LIN7A: variants seen among roughly 807,000 people sequenced by gnomAD.
LIN7A encodes protein lin-7 homolog A.
LIN7A carries 25 observed loss-of-function variants against 29.8 expected under a neutral mutation model. The observed-to-expected ratio is 0.84, with a 90% CI of 0.61 to 1.17. The LOEUF (loss-of-function observed/expected upper bound fraction) is 1.17. Ranked by LOEUF, LIN7A falls within the 50% of genes most tolerant of loss-of-function variation. The pLI, the probability that LIN7A is intolerant of heterozygous loss-of-function variation, is 0.00. For synonymous variants in LIN7A, 118 were observed against 107.5 expected (o/e 1.10, Z -0.60); for missense variants, 239 against 287.0 (o/e 0.83, Z 1.21).
At chr12:80,888,426 T>A (rs1187846363) in intron 2 of LIN7A, among the ~76,000 whole-genome samples, 2 of 152,116 alleles carry the variant, frequency 1.3e-5, no homozygotes, top group African/African-American at 4.8e-5. Flanking sequence ...AAGCATTCAT[T>A]GGAGGTGCCT....
chr12:80,814,354 G>A (rs1418883608), intron 4 of LIN7A, among the ~76,000 whole-genome samples: 2 of 152,110 alleles, frequency 1.3e-5, no homozygotes, highest in African/African-American at 4.8e-5. Context: ...AAAACTTGGT[G>A]ATTTGGTTGT....
At chr12:80,905,155 A>G (rs1876408681) in intron 1 of LIN7A, among the ~76,000 whole-genome samples, 1 of 150,854 alleles carries the variant, frequency 6.6e-6, no homozygotes, top group South Asian at 2.1e-4. Flanking sequence ...TCTTCTTTAA[A>G]GTAAGTGTTG....
chr12:80,929,825 T>G (rs922521902), intron 1 of LIN7A, among the ~76,000 whole-genome samples: 3 of 152,194 alleles, frequency 2.0e-5, no homozygotes, highest in African/African-American at 7.2e-5. Flanking sequence ...TTTGTCATCT[T>G]TTTGGAAGCC....
At chr12:80,936,537 T>C (rs764250529) in intron 1 of LIN7A, 1 of 152,218 alleles carries the variant, frequency 6.6e-6, no homozygotes, top group Non-Finnish European at 1.5e-5. Flanking sequence ...CATTTCCAAA[T>C]GGCCGCCCAG....
intron 2 of LIN7A, among the ~76,000 whole-genome samples, chr12:80,855,881 T>C (rs556308661): frequency 6.6e-6 from 1 of 152,272 alleles, no homozygotes; most frequent in Non-Finnish European, 1.5e-5. Context: ...TTTAAAAATA[T>C]CTATTTATTG....
chr12:80,872,924 C>T (rs1193429853), intron 2 of LIN7A, among the ~76,000 whole-genome samples: 1 of 152,142 alleles, frequency 6.6e-6, no homozygotes, highest in African/African-American at 2.4e-5. Context: ...AACAGAATAT[C>T]GTTTTGATCA....
At chr12:80,922,001 CTTAT>C (rs1405323542) in intron 1 of LIN7A, among the ~76,000 whole-genome samples, 1 of 152,172 alleles carries the variant, frequency 6.6e-6, no homozygotes, top group Non-Finnish European at 1.5e-5. Context: ...ATTCTACTGC[CTTAT>C]TTGTTTTATC....
chr12:80,909,659 A>C (rs1876655410), intron 1 of LIN7A, among the ~76,000 whole-genome samples: 1 of 151,942 alleles, frequency 6.6e-6, no homozygotes, highest in Non-Finnish European at 1.5e-5. Flanking sequence ...TGAGGGCCCC[A>C]CCCTCATAAC....
Position 80,889,354 on chromosome 12 carries a change from A to G in LIN7A, c.98T>C (p.Ile33Thr). 1 of 1,603,356 alleles carries G rather than the reference A, an allele frequency of 6.2e-7. No individual in the cohort carries two copies. Among genetic ancestry groups the G allele is most frequent in the Non-Finnish European group, 8.5e-7 (1 of 1,170,798 alleles). The change falls in exon 2 of 6, where the codon ATT (isoleucine) becomes ACT (threonine). Residue 33 changes from isoleucine (I) to threonine (T), a missense_variant. Coordinates refer to ENST00000552864, the MANE Select transcript of LIN7A (RefSeq NM_004664.4). Reference protein sequence around the residue: ...LTLDRDVARAIELLEKLQESG... With the variant: ...LTLDRDVARATELLEKLQESG... ...TTCCTGTAGTTTTTCCAGTAATTCA[A>G]TTGCTCTTGCAACATCTGAATGAAA...
intron 4 of LIN7A, among the ~76,000 whole-genome samples, chr12:80,812,614 T>C (rs79704062): frequency 0.099 from 15,118 of 152,162 alleles, 811 homozygotes; most frequent in East Asian, 0.18. Flanking sequence ...TGCAGTGGCC[T>C]GATCTGGGCT....
chr12:80,874,996 G>A (rs1234764268), intron 2 of LIN7A, among the ~76,000 whole-genome samples: 1 of 152,134 alleles, frequency 6.6e-6, no homozygotes, highest in Non-Finnish European at 1.5e-5. Context: ...GCGAGATTCT[G>A]TCTCAAAACA....
At chr12:80,834,501 T>A (rs1186663499) in intron 4 of LIN7A, among the ~76,000 whole-genome samples, 2 of 152,160 alleles carry the variant, frequency 1.3e-5, no homozygotes, top group African/African-American at 4.8e-5. Context: ...TGATTTTGTA[T>A]CTATGAGAGA....
chr12:80,909,164 G>T (rs1380738587), intron 1 of LIN7A, among the ~76,000 whole-genome samples: 4 of 151,962 alleles, frequency 2.6e-5, no homozygotes, highest in Non-Finnish European at 5.9e-5. Flanking sequence ...AAGGATTGAG[G>T]TTCAATTTTT....
chr12:80,836,444 C>T (rs1454593885), intron 4 of LIN7A, among the ~76,000 whole-genome samples: 1 of 152,056 alleles, frequency 6.6e-6, no homozygotes, highest in Non-Finnish European at 1.5e-5. Context: ...ATTGCTCGAG[C>T]TCAGGAGTTT....
chr12:80,826,019 A>T (rs1872061582), intron 4 of LIN7A, among the ~76,000 whole-genome samples: 1 of 152,222 alleles, frequency 6.6e-6, no homozygotes, highest in Non-Finnish European at 1.5e-5. Flanking sequence ...ATTTATGTTG[A>T]TGTGTACCAT....
At chr12:80,828,386 T>C (rs1184871751) in intron 4 of LIN7A, among the ~76,000 whole-genome samples, 1 of 152,198 alleles carries the variant, frequency 6.6e-6, no homozygotes, top group African/African-American at 2.4e-5. Flanking sequence ...GAATATTATA[T>C]AGAAGATTTA....
chr12:80,925,965 C>T (rs1428118864), intron 1 of LIN7A, among the ~76,000 whole-genome samples: 5 of 152,166 alleles, frequency 3.3e-5, no homozygotes, highest in South Asian at 4.1e-4. Flanking sequence ...TTACTGCTTG[C>T]TATTGCTTGC....
At chr12:80,848,545 G>GA (rs1053154258) in intron 2 of LIN7A, among the ~76,000 whole-genome samples, 3 of 151,246 alleles carry the variant, frequency 2.0e-5, no homozygotes, top group African/African-American at 7.3e-5. Context: ...AAATGTAGTA[G>GA]AAAAAAATTG....
intron 1 of LIN7A, among the ~76,000 whole-genome samples, chr12:80,904,930 T>C (rs1446677250): frequency 6.6e-6 from 1 of 152,180 alleles, no homozygotes; most frequent in East Asian, 1.9e-4. Context: ...TTCACATTTT[T>C]TTTCAAAGAT....
Sources: gnomAD v4.1 joint callset for allele counts (sites outside exome capture counted in the v4.1 genomes callset) on GRCh38, gnomAD v4.1.1 for gene constraint, MANE v1.5 for transcripts, NCBI Gene and HGNC (gene_info 2026-07-23, HGNC 2026-07-21) for gene names.